Variants in PITPNM2 observed in about 807,000 individuals in gnomAD.
PITPNM2 encodes membrane-associated phosphatidylinositol transfer protein 2.
In PITPNM2, 35 loss-of-function variants were observed where a neutral mutation model predicts 132.2. That is an observed-to-expected ratio of 0.26 (90% CI 0.20 to 0.35). The LOEUF (loss-of-function observed/expected upper bound fraction) is 0.35. Ranked by LOEUF, PITPNM2 falls within the 10% of genes least tolerant of loss-of-function variation. The probability of loss-of-function intolerance (pLI) is 1.00; values close to 1 mark genes in which losing one functional copy is unlikely to be tolerated. For synonymous variants in PITPNM2, 738 were observed against 799.2 expected (o/e 0.92, Z 1.29); for missense variants, 1,332 against 1,912.0 (o/e 0.70, Z 5.66).
chr12:123,000,836 C>G lies in PITPNM2; in HGVS notation c.1166G>C (p.Arg389Pro). 1.2e-6 allele frequency: 2 copies of G among 1,614,066 alleles called. No homozygotes were observed. The highest frequency in any genetic ancestry group is 4.5e-5 in the East Asian group (2 of 44,892). The part of the protein sequence containing the change: ...EPEDTQDGLY[R>P]QGAPEFRVAS... ...CACCCTGAACTCAGGGGCACCCTGG[C>G]GGTACAGACCATCTGCAAAGACACA... Residue 389 changes from arginine to proline, a missense_variant, in exon 10 of 26, where the codon CGC (arginine) becomes CCC (proline). Arg to Pro is a moderately radical substitution (Grantham distance 103, BLOSUM62 -2). Coordinates refer to ENST00000320201, the MANE Select transcript of PITPNM2 (RefSeq NM_020845.3). The surrounding 1 kb of genome is among the most constrained non-coding windows in gnomAD (Gnocchi z 5.4).
At chr12:123,119,507 G>A (rs567095568) in intron 1 of PITPNM2, among the ~76,000 whole-genome samples, 63 of 151,928 alleles carry the variant, frequency 4.1e-4, no homozygotes, top group Non-Finnish European at 7.1e-4. Flanking sequence ...ACAGGCACCC[G>A]CCACCACGCC....
chr12:123,139,370 G>T (rs191740139), intron 1 of PITPNM2, among the ~76,000 whole-genome samples: 3 of 151,866 alleles, frequency 2.0e-5, no homozygotes, highest in Admixed American at 2.0e-4. Flanking sequence ...GTGTGGTGGC[G>T]GGCGCCTGTA....
chr12:123,129,227 G>A (rs2043210636), intron 1 of PITPNM2, among the ~76,000 whole-genome samples: 1 of 152,060 alleles, frequency 6.6e-6, no homozygotes, highest in Non-Finnish European at 1.5e-5. Context: ...CTTAAGCCCA[G>A]GAGTTCAAGG....
Position 122,989,774 on chromosome 12 carries a change from T to A in PITPNM2, c.2731+13A>T. The stretch of plus-strand genomic sequence containing the variant: ...AGTGACCCCCAGTGAGGGGAAAGTG[T>A]GTGGGGTGGTACCTTCTCCAATGTC... On this transcript the variant is annotated intron_variant, in intron 18 of 25. Transcript: ENST00000320201. 1 of 1,388,304 alleles carries A rather than the reference T, an allele frequency of 7.2e-7. No individual in the cohort carries two copies. Among genetic ancestry groups the A allele is most frequent in the Non-Finnish European group, 9.4e-7 (1 of 1,066,304 alleles). 86.0% of individuals were successfully genotyped at this position (1,388,304 alleles called of 1,614,324 possible).
intron 8 of PITPNM2, among the ~76,000 whole-genome samples, chr12:123,002,610 G>T (rs187811615): frequency 1.1e-4 from 17 of 152,188 alleles, no homozygotes; most frequent in Admixed American, 5.9e-4. Flanking sequence ...TAGAGACGAG[G>T]TTTCACTATG....
chr12:123,099,408 G>A lies in PITPNM2; in HGVS notation c.-96+10977C>T, dbSNP rs1051885733. On this transcript the variant is annotated intron_variant, in intron 2 of 25. Coordinates refer to ENST00000320201, the MANE Select transcript of PITPNM2 (RefSeq NM_020845.3). This position sits in a 1 kb window ranked among gnomAD's most constrained non-coding sequence, Gnocchi z 4.2. Reference sequence around the variant, plus strand: ...ACTGTTCTGCCAGGGCTTGACTGGCGGGACAAGTGGGATACTCCTCTACAG... The same window carrying A: ...ACTGTTCTGCCAGGGCTTGACTGGCAGGACAAGTGGGATACTCCTCTACAG... Among the ~76,000 whole-genome samples, 17 of 152,112 alleles carry A rather than the reference G, an allele frequency of 1.1e-4. No homozygotes were observed. The highest frequency in any genetic ancestry group is 3.4e-4 in the African/African-American group (14 of 41,406).
intron 1 of PITPNM2, among the ~76,000 whole-genome samples, chr12:123,148,596 G>A (rs374484558): frequency 2.6e-5 from 4 of 152,136 alleles, no homozygotes; most frequent in East Asian, 3.9e-4. Flanking sequence ...CTCTAGACAC[G>A]GAGGAAGGCA....
intron 1 of PITPNM2, among the ~76,000 whole-genome samples, chr12:123,115,506 G>A (rs1024030679): frequency 3.9e-5 from 6 of 152,054 alleles, no homozygotes; most frequent in African/African-American, 1.2e-4. Context: ...GAACCATGCA[G>A]AAGTTGATGG....
intron 16 of PITPNM2, chr12:122,991,779 C>G: frequency 1.5e-6 from 2 of 1,298,242 alleles, no homozygotes; most frequent in African/African-American, 1.5e-5. Context: ...GGGCGGGGCC[C>G]GTCTTGCCAG....
intron 6 of PITPNM2, among the ~76,000 whole-genome samples, chr12:123,007,229 A>G (rs983220968): frequency 3.3e-5 from 5 of 152,040 alleles, no homozygotes; most frequent in African/African-American, 4.8e-5. Flanking sequence ...TTGTCCATGG[A>G]TGCACGCGTG....
chr12:123,066,614 C>A (rs1391312290), intron 2 of PITPNM2, among the ~76,000 whole-genome samples: 1 of 152,174 alleles, frequency 6.6e-6, no homozygotes, highest in Non-Finnish European at 1.5e-5. Flanking sequence ...GGCTTAACCA[C>A]CCCCTGGGAT....
chr12:123,136,732 C>A (rs1414480589), intron 1 of PITPNM2, among the ~76,000 whole-genome samples: 1 of 151,824 alleles, frequency 6.6e-6, no homozygotes, highest in Non-Finnish European at 1.5e-5. Flanking sequence ...CCCGTCTCTA[C>A]TAAAAATACA....
rs147609136 is a variant in PITPNM2, at chr12:123,005,904, C to T, written c.644-356G>A. On this transcript the variant is annotated intron_variant, in intron 6 of 25. Transcript: ENST00000320201. This position sits in a 1 kb window ranked among gnomAD's most constrained non-coding sequence, Gnocchi z 6.2. ...CTTGAGTCCAAGGGTTTGAGATCAGCCTGGGCAACGAAACAAGACCCTGTC... is the reference window on the plus strand; with the variant it reads ...CTTGAGTCCAAGGGTTTGAGATCAGTCTGGGCAACGAAACAAGACCCTGTC... The T allele has an allele frequency of 4.0e-3, 932 of 233,254 alleles. 21 individuals carry two copies. The highest frequency in any genetic ancestry group is 0.037 in the East Asian group (416 of 11,300). The allele number at this position is 233,254 out of a possible 1,614,324, so 14.4% of individuals were successfully genotyped here.
At chr12:123,125,346 G>A (rs1024822737) in intron 1 of PITPNM2, among the ~76,000 whole-genome samples, 2 of 152,090 alleles carry the variant, frequency 1.3e-5, no homozygotes, top group East Asian at 1.9e-4. Context: ...GAAGAAGTTA[G>A]GTAGAAGCAA....
intron 13 of PITPNM2, 35 bp downstream of exon 13, chr12:122,996,423 G>A: frequency 6.2e-7 from 1 of 1,611,146 alleles, no homozygotes; most frequent in Admixed American, 1.7e-5. Flanking sequence ...GGAGGCTTCA[G>A]GCCTTGGGGA....
At position 122,987,716 on chromosome 12, in the gene PITPNM2, C is replaced by G. The variant is rs955907487; in HGVS notation, c.3115-57G>C. On this transcript the variant is annotated intron_variant, in intron 21 of 25. Coordinates refer to ENST00000320201, the MANE Select transcript of PITPNM2 (RefSeq NM_020845.3). ...GTGTCTGGCCTCTCCACCCCCTGCACCCCGGCCAGAGGGCAGCAGGGAGCT... is the reference window on the plus strand; with the variant it reads ...GTGTCTGGCCTCTCCACCCCCTGCAGCCCGGCCAGAGGGCAGCAGGGAGCT... 5.0e-6 allele frequency: 8 copies of G among 1,611,546 alleles called. No homozygotes were observed. The African/African-American group carries it at 8.0e-5, about 16-fold the overall frequency.
chr12:123,028,453 T>C (rs1046774720), intron 3 of PITPNM2, among the ~76,000 whole-genome samples: 4 of 152,108 alleles, frequency 2.6e-5, no homozygotes, highest in African/African-American at 9.7e-5. Flanking sequence ...AACACAGCAG[T>C]CTTCTTGAAG....
intron 2 of PITPNM2, among the ~76,000 whole-genome samples, chr12:123,073,043 C>G (rs1039474398): frequency 2.0e-5 from 3 of 152,210 alleles, no homozygotes; most frequent in Non-Finnish European, 4.4e-5. Context: ...AGCTCCCTAT[C>G]CCCTTCAGGG....
intron 1 of PITPNM2, among the ~76,000 whole-genome samples, chr12:123,142,454 G>C (rs1342988781): frequency 1.3e-5 from 2 of 152,204 alleles, no homozygotes; most frequent in Non-Finnish European, 2.9e-5. Flanking sequence ...AAATAGGTGA[G>C]AGTGCTTTCA....
Sources: gnomAD v4.1 joint callset for allele counts (sites outside exome capture counted in the v4.1 genomes callset) on GRCh38, gnomAD v4.1.1 for gene constraint, Gnocchi (gnomAD v3.1) non-coding constraint, MANE v1.5 for transcripts, NCBI Gene and HGNC (gene_info 2026-07-23, HGNC 2026-07-21) for gene names.